Variants in WNT9A observed in about 807,000 individuals in gnomAD.
The protein encoded by WNT9A is protein Wnt-9a.
Under a neutral mutation model 31.4 loss-of-function variants are expected in WNT9A, and 8 were observed. That is an observed-to-expected ratio of 0.26 (90% CI 0.15 to 0.46). The LOEUF (loss-of-function observed/expected upper bound fraction) is 0.46, where lower values mean the gene tolerates loss of function less well. WNT9A is among the 20% of genes least tolerant of loss of function. WNT9A has a pLI of 0.99. For missense variants in WNT9A, 457 were observed against 522.9 expected (o/e 0.87, Z 1.23); for synonymous variants, 236 against 220.1 (o/e 1.07, Z -0.64).
Position 227,924,176 on chromosome 1 carries a change from C to T in WNT9A, c.577G>A (p.Ala193Thr), listed in dbSNP as rs761472606. 7 of 1,572,450 alleles carry T rather than the reference C, an allele frequency of 4.5e-6. No individual in the cohort carries two copies. In the South Asian group the frequency reaches 7.7e-5, roughly 17 times the overall value. ...LGRRSSKDLR[A>T]RVDFHNNLVG... is the part of the protein sequence containing the mutation. Reference sequence around the variant, plus strand: ...AGGTTGTTGTGGAAGTCCACACGGGCTCGCAGATCCTTGCTTGACCGTCTG... The same window carrying T: ...AGGTTGTTGTGGAAGTCCACACGGGTTCGCAGATCCTTGCTTGACCGTCTG... Residue 193 changes from alanine to threonine, a missense_variant, in exon 3 of 4, where the codon GCC (alanine) becomes ACC (threonine). Physicochemically the swap from Ala to Thr is moderately conservative, Grantham distance 58. Transcript: ENST00000272164.
chr1:227,925,555 G>A lies in WNT9A; in HGVS notation c.96-36C>T, dbSNP rs968583499. The A allele has an allele frequency of 6.8e-7, 1 of 1,474,626 alleles. No individual in the cohort carries two copies. The allele number at this position is 1,474,626 out of a possible 1,614,324, so 91.3% of individuals were successfully genotyped here. On this transcript the variant is annotated intron_variant, in intron 1 of 3. Transcript: ENST00000272164. The surrounding 1 kb of genome is among the most constrained non-coding windows in gnomAD (Gnocchi z 6.0). ...AGAGGCCAGCATGAGCCCGGCCCCA[G>A]GAAGCCCTGCTGGAGCCTGGCCAGG...
chr1:227,944,639 A>ATGGC (rs1339318928), intron 1 of WNT9A, among the ~76,000 whole-genome samples: 1 of 152,088 alleles, frequency 6.6e-6, no homozygotes, highest in Non-Finnish European at 1.5e-5. Context: ...TCCAGCCCCG[A>ATGGC]TGGCTGGCTC....
intron 3 of WNT9A, among the ~76,000 whole-genome samples, chr1:227,922,298 C>G (rs561975408): frequency 2.0e-5 from 3 of 152,224 alleles, no homozygotes; most frequent in African/African-American, 7.2e-5. Context: ...GTCCACCCTG[C>G]GTCAGGGGCT....
chr1:227,935,910 T>C (rs1447090654), intron 1 of WNT9A, among the ~76,000 whole-genome samples: 1 of 152,198 alleles, frequency 6.6e-6, no homozygotes, highest in African/African-American at 2.4e-5. Flanking sequence ...CCAGAGAACA[T>C]ATTCCCATCG....
intron 1 of WNT9A, among the ~76,000 whole-genome samples, chr1:227,935,025 G>C (rs1384658802): frequency 7.0e-6 from 1 of 143,328 alleles, no homozygotes; most frequent in Admixed American, 7.2e-5. Context: ...CTGAGTCACA[G>C]CCTCAGTTCA....
rs1182180982 is a variant in WNT9A at position 227,925,523 on chromosome 1, G to C, written c.96-4C>G. 6.5e-7 allele frequency: 1 copy of C among 1,528,414 alleles called. No homozygotes were observed. The highest frequency in any genetic ancestry group is 2.4e-5 in the East Asian group (1 of 41,496). The allele number at this position is 1,528,414 out of a possible 1,614,324, so 94.7% of individuals were successfully genotyped here. ...CAGGGGCTCGCTGCCCGTCAGCCTG[G>C]GCACAGAGAGGCCAGCATGAGCCCG... On this transcript the variant is annotated splice_polypyrimidine_tract_variant and splice_region_variant and intron_variant, in intron 1 of 3. Coordinates refer to ENST00000272164, the MANE Select transcript of WNT9A (RefSeq NM_003395.4). The surrounding 1 kb of genome is among the most constrained non-coding windows in gnomAD (Gnocchi z 6.0).
chr1:227,932,491 G>T (rs1666529836), intron 1 of WNT9A, among the ~76,000 whole-genome samples: 1 of 152,098 alleles, frequency 6.6e-6, no homozygotes, highest in African/African-American at 2.4e-5. Flanking sequence ...TCCTGTTCAT[G>T]TTGCTGTTTT....
rs1460554253 is a variant in WNT9A, at chr1:227,928,646, A to G, written c.96-3127T>C. 6.6e-6 allele frequency among the ~76,000 whole-genome samples: 1 copy of G among 152,164 alleles called. No homozygotes were observed. Among genetic ancestry groups the G allele is most frequent in the Admixed American group, 6.5e-5 (1 of 15,282 alleles). ...AGGCAGACCACAGGCACCACAGGGC[A>G]TGCTGGGGAACAGGATGGGCGATCT... On this transcript the variant is annotated intron_variant, in intron 1 of 3. Transcript: ENST00000272164. The surrounding 1 kb of genome is among the most constrained non-coding windows in gnomAD (Gnocchi z 4.5).
chr1:227,929,697 A>C (rs1306993611), intron 1 of WNT9A, among the ~76,000 whole-genome samples: 1 of 152,230 alleles, frequency 6.6e-6, no homozygotes, highest in Non-Finnish European at 1.5e-5. Flanking sequence ...AGCCAGGCGC[A>C]GTGGTGCATG....
chr1:227,943,695 G>A (rs1213177341), intron 1 of WNT9A, among the ~76,000 whole-genome samples: 4 of 152,244 alleles, frequency 2.6e-5, no homozygotes, highest in Non-Finnish European at 4.4e-5. Flanking sequence ...CTAAATGCAG[G>A]CGGGGAGCAA....
rs149027505 is a variant in WNT9A, at chr1:227,926,483, C to A, written c.96-964G>T. Among the ~76,000 whole-genome samples the A allele has an allele frequency of 2.0e-5, 3 of 152,068 alleles. No homozygotes were observed. The highest frequency in any genetic ancestry group is 4.4e-5 in the Non-Finnish European group (3 of 68,006). ...AAGAGCCCTCAACCCCAAACCCTGA[C>A]CCCGACCCCATGTCACCTGTCTATC... On this transcript the variant is annotated intron_variant, in intron 1 of 3. Transcript: ENST00000272164. The surrounding 1 kb of genome is among the most constrained non-coding windows in gnomAD (Gnocchi z 5.0).
intron 1 of WNT9A, among the ~76,000 whole-genome samples, chr1:227,940,194 C>T (rs902374339): frequency 6.6e-6 from 1 of 152,240 alleles, no homozygotes; most frequent in Non-Finnish European, 1.5e-5. Context: ...CTCCCCCAGG[C>T]TACTTGGGCT....
rs1017472909 is a variant in WNT9A at position 227,920,364 on chromosome 1, G to A, written c.*1154C>T. On this transcript the variant is annotated 3_prime_UTR_variant, in exon 4 of 4. Coordinates refer to ENST00000272164, the MANE Select transcript of WNT9A (RefSeq NM_003395.4). ...AGGAGGGAATATGTCAGGGACGGAAGGCGGGGCCCTCCCAGACTGGGGCTT... is the reference window on the plus strand; with the variant it reads ...AGGAGGGAATATGTCAGGGACGGAAAGCGGGGCCCTCCCAGACTGGGGCTT... 1.3e-5 allele frequency: 2 copies of A among 152,294 alleles called. No individual in the cohort carries two copies. Among genetic ancestry groups the A allele is most frequent in the Non-Finnish European group, 2.9e-5 (2 of 68,060 alleles). 9.4% of individuals were successfully genotyped at this position (152,294 alleles called of 1,614,324 possible).
chr1:227,939,010 A>C (rs1666646760), intron 1 of WNT9A, among the ~76,000 whole-genome samples: 1 of 152,154 alleles, frequency 6.6e-6, no homozygotes, highest in Non-Finnish European at 1.5e-5. Flanking sequence ...AAGGGCCCGG[A>C]TGACGACGGC....
intron 1 of WNT9A, among the ~76,000 whole-genome samples, chr1:227,937,953 C>T (rs777001069): frequency 3.9e-5 from 6 of 152,190 alleles, no homozygotes; most frequent in Admixed American, 6.5e-5. Context: ...CCCGGGACCA[C>T]GCTGGTGACT....
At chr1:227,941,313 G>C (rs1437382982) in intron 1 of WNT9A, among the ~76,000 whole-genome samples, 1 of 152,130 alleles carries the variant, frequency 6.6e-6, no homozygotes, top group Non-Finnish European at 1.5e-5. Flanking sequence ...GCCAATCCCA[G>C]AATTGAGCGA....
At chr1:227,946,179 T>C (rs1666790082) in intron 1 of WNT9A, among the ~76,000 whole-genome samples, 1 of 152,224 alleles carries the variant, frequency 6.6e-6, no homozygotes, top group South Asian at 2.1e-4. Flanking sequence ...GGACTTACTG[T>C]CTGCAAGAGA....
rs931128984 is a variant in WNT9A, at chr1:227,942,531, C to T, written c.95+5262G>A. On this transcript the variant is annotated intron_variant, in intron 1 of 3. Transcript: ENST00000272164. This position sits in a 1 kb window ranked among gnomAD's most constrained non-coding sequence, Gnocchi z 5.7. ...CTTTCCACTGGCCCTGTCCTCTCCT[C>T]TCCATGCTAAGAAGTCCCCAGGGAG... Among the ~76,000 whole-genome samples the T allele has an allele frequency of 6.6e-6, 1 of 152,154 alleles. No homozygotes were observed. The highest frequency in any genetic ancestry group is 1.5e-5 in the Non-Finnish European group (1 of 68,006).
rs147131162 is a variant in WNT9A, at chr1:227,923,654, G to GT, written c.615+483dup. 2.6e-3 allele frequency among the ~76,000 whole-genome samples: 393 copies of GT among 152,252 alleles called. 2 individuals carry two copies. Among genetic ancestry groups the GT allele is most frequent in the African/African-American group, 9.1e-3 (376 of 41,546 alleles). ...GCAGAAAGAGACTCCCCTGACTTGGGTGAGTGGGTTCCGTACCCCTAACCC... is the reference window on the plus strand; with the variant it reads ...GCAGAAAGAGACTCCCCTGACTTGGGTTGAGTGGGTTCCGTACCCCTAACCC... On this transcript the variant is annotated intron_variant, in intron 3 of 3. Transcript: ENST00000272164.
Sources: gnomAD v4.1 joint callset for allele counts (sites outside exome capture counted in the v4.1 genomes callset) on GRCh38, gnomAD v4.1.1 for gene constraint, Gnocchi (gnomAD v3.1) non-coding constraint, MANE v1.5 for transcripts, NCBI Gene and HGNC (gene_info 2026-07-23, HGNC 2026-07-21) for gene names.